GRID2: variants seen among roughly 807,000 people sequenced by gnomAD.
GRID2 encodes the protein glutamate receptor ionotropic, delta-2.
In GRID2, 33 loss-of-function variants were observed where a neutral mutation model predicts 114.8. The ratio of observed to expected loss-of-function variants is 0.29; its 90% CI spans 0.22 to 0.38. The LOEUF (loss-of-function observed/expected upper bound fraction) is 0.38, where lower values mean the gene tolerates loss of function less well. Among genes scored for constraint, GRID2 ranks in the 10% least tolerant of loss-of-function variants. GRID2 has a pLI of 1.00. For missense variants in GRID2, 1,184 were observed against 1,257.7 expected (o/e 0.94, Z 0.89); for synonymous variants, 505 against 449.9 (o/e 1.12, Z -1.55).
intron 8 of GRID2, among the ~76,000 whole-genome samples, chr4:93,389,075 ATTACT>A (rs1481744172): frequency 6.6e-6 from 1 of 152,214 alleles, no homozygotes; most frequent in Admixed American, 6.5e-5. Flanking sequence ...TTTCATAAAA[ATTACT>A]TTACTGGTAC....
At chr4:93,217,612 T>TA (rs1057118914) in intron 6 of GRID2, among the ~76,000 whole-genome samples, 1 of 151,810 alleles carries the variant, frequency 6.6e-6, no homozygotes, top group Admixed American at 6.6e-5. Flanking sequence ...AAGGGGGTGT[T>TA]ACACAAAGCA....
At chr4:93,258,252 G>A (rs1749844422) in intron 8 of GRID2, among the ~76,000 whole-genome samples, 1 of 151,172 alleles carries the variant, frequency 6.6e-6, no homozygotes, top group African/African-American at 2.4e-5. Flanking sequence ...AAATTGGATG[G>A]AAATAAAAGA....
chr4:93,281,534 G>C (rs141919182), intron 8 of GRID2, among the ~76,000 whole-genome samples: 2 of 151,936 alleles, frequency 1.3e-5, no homozygotes, highest in Non-Finnish European at 2.9e-5. Context: ...GGAAAAACTA[G>C]GTCTTGAACC....
intron 8 of GRID2, among the ~76,000 whole-genome samples, chr4:93,262,572 A>G (rs1345874872): frequency 6.6e-6 from 1 of 151,968 alleles, no homozygotes; most frequent in Non-Finnish European, 1.5e-5. Flanking sequence ...TTTTTGTCTA[A>G]TTATATAAAC....
intron 8 of GRID2, among the ~76,000 whole-genome samples, chr4:93,357,338 CAA>C (rs770473071): frequency 5.7e-4 from 86 of 151,190 alleles, no homozygotes; most frequent in African/African-American, 8.9e-4. Flanking sequence ...CTTATTAATT[CAA>C]GAGGACTCCA....
At chr4:93,194,682 CTTTG>C (rs1741307753) in intron 4 of GRID2, among the ~76,000 whole-genome samples, 1 of 152,126 alleles carries the variant, frequency 6.6e-6, no homozygotes. Flanking sequence ...GGCAGAATGG[CTTTG>C]TTTATTAATT....
chr4:93,162,551 T>A (rs926735229), intron 4 of GRID2, among the ~76,000 whole-genome samples: 1 of 152,008 alleles, frequency 6.6e-6, no homozygotes, highest in African/African-American at 2.4e-5. Context: ...AACAACTTTA[T>A]AATTTAATAA....
At chr4:93,523,385 AT>A (rs1730525650) in intron 13 of GRID2, among the ~76,000 whole-genome samples, 1 of 152,140 alleles carries the variant, frequency 6.6e-6, no homozygotes, top group Non-Finnish European at 1.5e-5. Flanking sequence ...TCTCAAGAGT[AT>A]TACCATTATG....
chr4:92,930,297 G>A (rs1750128266), intron 2 of GRID2, among the ~76,000 whole-genome samples: 2 of 151,122 alleles, frequency 1.3e-5, no homozygotes, highest in Admixed American at 6.6e-5. Context: ...TGTGTGATTA[G>A]GCATCTGCTT....
chr4:93,665,912 G>A (rs1723908220), intron 14 of GRID2, among the ~76,000 whole-genome samples: 1 of 151,938 alleles, frequency 6.6e-6, no homozygotes, highest in Admixed American at 6.6e-5. Context: ...TTCAAGATTT[G>A]GTTCTAATAT....
chr4:92,863,311 C>T (rs1261357131), intron 2 of GRID2, among the ~76,000 whole-genome samples: 2 of 152,176 alleles, frequency 1.3e-5, no homozygotes, highest in Non-Finnish European at 1.5e-5. Flanking sequence ...CTTTGTGCTC[C>T]TCTCTGTACT....
intron 8 of GRID2, among the ~76,000 whole-genome samples, chr4:93,248,953 C>A (rs1017313833): frequency 6.6e-6 from 1 of 152,136 alleles, no homozygotes; most frequent in Non-Finnish European, 1.5e-5. Context: ...TCTGTAGTGA[C>A]TGAAAATTGA....
intron 3 of GRID2, among the ~76,000 whole-genome samples, chr4:93,108,874 C>G (rs542994198): frequency 6.6e-6 from 1 of 152,002 alleles, no homozygotes; most frequent in Non-Finnish European, 1.5e-5. Flanking sequence ...CATGATCTGC[C>G]CCCCTCGGTC....
intron 2 of GRID2, among the ~76,000 whole-genome samples, chr4:92,762,392 A>G (rs1738060634): frequency 6.6e-6 from 1 of 152,068 alleles, no homozygotes; most frequent in Non-Finnish European, 1.5e-5. Context: ...ACTCCTTTAA[A>G]TGAAATAGAC....
chr4:92,717,834 C>T (rs1735620595), intron 2 of GRID2, among the ~76,000 whole-genome samples: 1 of 152,128 alleles, frequency 6.6e-6, no homozygotes, highest in African/African-American at 2.4e-5. Flanking sequence ...GTGTTGCTGC[C>T]ATGCTCCAGA....
At chr4:93,285,615 T>C (rs543532010) in intron 8 of GRID2, among the ~76,000 whole-genome samples, 1 of 152,154 alleles carries the variant, frequency 6.6e-6, no homozygotes, top group South Asian at 2.1e-4. Context: ...TTATAGAATA[T>C]TTTATGTAAG....
chr4:92,385,373 A>G (rs1346830936), intron 1 of GRID2, among the ~76,000 whole-genome samples: 1 of 151,800 alleles, frequency 6.6e-6, no homozygotes, highest in African/African-American at 2.4e-5. Flanking sequence ...AATTTAGTCA[A>G]TTTTGCATTA....
At chr4:92,740,032 A>G (rs958095213) in intron 2 of GRID2, among the ~76,000 whole-genome samples, 3 of 152,156 alleles carry the variant, frequency 2.0e-5, no homozygotes, top group Non-Finnish European at 2.9e-5. Context: ...TCAATATAGA[A>G]TAATATATCA....
intron 1 of GRID2, among the ~76,000 whole-genome samples, chr4:92,405,899 A>G (rs1731005626): frequency 6.6e-6 from 1 of 152,108 alleles, no homozygotes; most frequent in South Asian, 2.1e-4. Context: ...TTAAGTATTA[A>G]ATTACACAAT....
Sources: gnomAD v4.1 joint callset for allele counts (sites outside exome capture counted in the v4.1 genomes callset) on GRCh38, gnomAD v4.1.1 for gene constraint, MANE v1.5 for transcripts, NCBI Gene and HGNC (gene_info 2026-07-23, HGNC 2026-07-21) for gene names.